NPY: variants seen among roughly 807,000 people sequenced by gnomAD.
NPY encodes the protein neuropeptide Y.
In NPY, 11 loss-of-function variants were observed where a neutral mutation model predicts 13.2. The observed-to-expected ratio is 0.83, with a 90% CI of 0.52 to 1.38. The LOEUF (loss-of-function observed/expected upper bound fraction) is 1.38. NPY is among the 40% of genes most tolerant of loss of function. The pLI is 0.00. For missense variants in NPY, 109 were observed against 125.1 expected, an observed-to-expected ratio of 0.87 and a Z score of 0.61; for synonymous variants, 51 against 55.6, an observed-to-expected ratio of 0.92 and a Z score of 0.37.
At chr7:24,291,504 G>A (rs1421131153) in intron 3 of NPY, among the ~76,000 whole-genome samples, 159 bp from the exon 4 acceptor site, 1 of 152,186 alleles carries the variant, frequency 6.6e-6, no homozygotes, top group African/African-American at 2.4e-5. Context: ...TCCGCCTCAC[G>A]ATCTGATATT....
rs761599005 is a variant in NPY, at chr7:24,285,460, C to T, written c.188+32C>T. ...GGGACCGCGGGACCGATTCCGGGAGCGCCAGTGCCTGCACACCAGGAGATC... is the reference window on the plus strand; with the variant it reads ...GGGACCGCGGGACCGATTCCGGGAGTGCCAGTGCCTGCACACCAGGAGATC... On this transcript the variant is annotated intron_variant, in intron 2 of 3. Transcript: ENST00000242152. The surrounding 1 kb of genome is among the most constrained non-coding windows in gnomAD (Gnocchi z 4.9). 1.9e-6 allele frequency: 3 copies of T among 1,596,304 alleles called. No individual in the cohort carries two copies. Among genetic ancestry groups the T allele is most frequent in the South Asian group, 2.2e-5 (2 of 89,602 alleles).
Position 24,291,696 on chromosome 7 carries a change from G to A in NPY, c.*9G>A, listed in dbSNP as rs1411003424. ...ACCCTGCAATGTGGTGATGGGAAAT[G>A]AGACTTGCTCTCTGGCCTTTTCCTA... On this transcript the variant is annotated 3_prime_UTR_variant, in exon 4 of 4. Transcript: ENST00000242152. 6.2e-7 allele frequency: 1 copy of A among 1,614,152 alleles called. No individual in the cohort carries two copies. The highest frequency in any genetic ancestry group is 1.1e-5 in the South Asian group (1 of 91,078).
rs533754561 is a variant in NPY, at chr7:24,288,125, T to C, written c.189-1374T>C. Among the ~76,000 whole-genome samples, 5 of 152,340 alleles carry C rather than the reference T, an allele frequency of 3.3e-5. No individual in the cohort carries two copies. The East Asian group carries it at 9.6e-4, about 29-fold the overall frequency. Reference sequence around the variant, plus strand: ...TCCTCCTATTTCAGATTTAGGTTCTTTACTGGTAAATTGGATAAAAAGTTG... The same window carrying C: ...TCCTCCTATTTCAGATTTAGGTTCTCTACTGGTAAATTGGATAAAAAGTTG... On this transcript the variant is annotated intron_variant, in intron 2 of 3. Coordinates refer to ENST00000242152, the MANE Select transcript of NPY (RefSeq NM_000905.4).
chr7:24,290,759 A>AAATAATAATAATAAT (rs747171869), intron 3 of NPY, among the ~76,000 whole-genome samples: 29 of 133,108 alleles, frequency 2.2e-4, no homozygotes, highest in South Asian at 7.6e-4. Flanking sequence ...TTTTTTAATT[A>AAATAATAATAATAAT]AATAATAATA....
chr7:24,288,015 A>G (rs2128232908), intron 2 of NPY, among the ~76,000 whole-genome samples: 1 of 152,340 alleles, frequency 6.6e-6, no homozygotes, highest in Non-Finnish European at 1.5e-5. Flanking sequence ...ACAGCATTGT[A>G]GAGGGGAAGG....
Position 24,285,498 on chromosome 7 carries a change from G to A in NPY, c.188+70G>A. On this transcript the variant is annotated intron_variant, in intron 2 of 3. Coordinates refer to ENST00000242152, the MANE Select transcript of NPY (RefSeq NM_000905.4). The surrounding 1 kb of genome is among the most constrained non-coding windows in gnomAD (Gnocchi z 4.9). Reference sequence around the variant, plus strand: ...ACACCAGGAGATCCTGGGGATGTTAGGGAAAGGGATTGTTTCTTTTCCTTC... The same window carrying A: ...ACACCAGGAGATCCTGGGGATGTTAAGGAAAGGGATTGTTTCTTTTCCTTC... 2 of 1,476,598 alleles carry A rather than the reference G, an allele frequency of 1.4e-6. No individual in the cohort carries two copies. Among genetic ancestry groups the A allele is most frequent in the Admixed American group, 1.8e-5 (1 of 54,054 alleles). The allele number at this position is 1,476,598 out of a possible 1,614,324, so 91.5% of individuals were successfully genotyped here. A position where few individuals can be genotyped will look rare whatever the true frequency, so the allele number is the denominator to read the frequency against.
intron 2 of NPY, among the ~76,000 whole-genome samples, chr7:24,288,687 G>GAAAA (rs59946765): frequency 5.8e-4 from 52 of 88,936 alleles, no homozygotes; most frequent in East Asian, 4.6e-3. Context: ...TGCTACAGGA[G>GAAAA]AAAAAAAAAA....
chr7:24,291,286 G>A (rs991303249), intron 3 of NPY, among the ~76,000 whole-genome samples: 4 of 152,170 alleles, frequency 2.6e-5, no homozygotes, highest in African/African-American at 7.2e-5. Context: ...AAAGCTGGCA[G>A]GAAAAGGAAG....
chr7:24,287,292 T>C (rs1427482651), intron 2 of NPY, among the ~76,000 whole-genome samples: 1 of 152,196 alleles, frequency 6.6e-6, no homozygotes, highest in African/African-American at 2.4e-5. Context: ...AACTCCTTCT[T>C]AGAAACCAGC....
At position 24,290,775 on chromosome 7, in the gene NPY, A is replaced by AATAATAATAATAATTATT. The variant is rs10701264; in HGVS notation, c.270-886_270-885insAATAATAATAATTATTAT. Among the ~76,000 whole-genome samples, 24 of 129,634 alleles carry AATAATAATAATAATTATT rather than the reference A, an allele frequency of 1.9e-4. No homozygotes were observed. The South Asian group carries it at 2.7e-3, about 14-fold the overall frequency. 85.0% of individuals were successfully genotyped at this position (129,634 alleles called of 152,430 possible). On this transcript the variant is annotated intron_variant, in intron 3 of 3. Transcript: ENST00000242152. The stretch of plus-strand genomic sequence containing the variant: ...TTTTTAATTAAATAATAATAATAAT[A>AATAATAATAATAATTATT]ATTATTATTATTATTCAGAGACAAG...
Position 24,285,167 on chromosome 7 carries a change from G to A in NPY, c.1-74G>A. 6.8e-7 allele frequency: 1 copy of A among 1,480,222 alleles called. No homozygotes were observed. The highest frequency in any genetic ancestry group is 9.4e-7 in the Non-Finnish European group (1 of 1,064,392). The allele number at this position is 1,480,222 out of a possible 1,614,324, so 91.7% of individuals were successfully genotyped here. ...TGGTAGCAGGAGGAGGAGCGCGGGG[G>A]GCAGAGGAGGGAGGTGCTGCGCGTG... On this transcript the variant is annotated intron_variant, in intron 1 of 3. Transcript: ENST00000242152. The surrounding 1 kb of genome is among the most constrained non-coding windows in gnomAD (Gnocchi z 4.9).
chr7:24,289,763 T>C (rs973476394), intron 3 of NPY, among the ~76,000 whole-genome samples, 184 bp downstream of exon 3: 1 of 152,192 alleles, frequency 6.6e-6, no homozygotes, highest in African/African-American at 2.4e-5. Context: ...TTGTCAAATC[T>C]CTAAACTTCT....
Position 24,289,487 on chromosome 7 carries a change from T to A in NPY, c.189-12T>A. The A allele has an allele frequency of 6.3e-7, 1 of 1,592,608 alleles. No individual in the cohort carries two copies. The highest frequency in any genetic ancestry group is 8.5e-7 in the Non-Finnish European group (1 of 1,170,254). On this transcript the variant is annotated splice_polypyrimidine_tract_variant and intron_variant, in intron 2 of 3. Transcript: ENST00000242152. ...ATTCCAAACTTGCTTTAAAAGACTTTTTTTTTTCCAGATATGGAAAACGAT... is the reference window on the plus strand; with the variant it reads ...ATTCCAAACTTGCTTTAAAAGACTTATTTTTTTCCAGATATGGAAAACGAT...
rs904903905 is a variant in NPY, at chr7:24,287,496, T to C, written c.189-2003T>C. 2.2e-4 allele frequency among the ~76,000 whole-genome samples: 32 copies of C among 143,626 alleles called. No homozygotes were observed. The Admixed American group carries it at 2.3e-3, about 10-fold the overall frequency. 94.2% of individuals were successfully genotyped at this position (143,626 alleles called of 152,430 possible). A position where few individuals can be genotyped will look rare whatever the true frequency, so the allele number is the denominator to read the frequency against. ...TGCACTCAATTTGTGCTTATATTCC[T>C]TTTGCTGTATATATACCCCTGGCTC... On this transcript the variant is annotated intron_variant, in intron 2 of 3. Coordinates refer to ENST00000242152, the MANE Select transcript of NPY (RefSeq NM_000905.4).
In NPY at chr7:24,291,767, T is replaced by TA; in HGVS notation, c.*81dup. On this transcript the variant is annotated 3_prime_UTR_variant, in exon 4 of 4. Coordinates refer to ENST00000242152, the MANE Select transcript of NPY (RefSeq NM_000905.4). The stretch of plus-strand genomic sequence containing the variant: ...GTGTAAAACGAGAATCCACCCATCC[T>TA]ACCAATGCATGCAGCCACTGTGCTG... 6.8e-7 allele frequency: 1 copy of TA among 1,474,808 alleles called. No individual in the cohort carries two copies. 91.4% of individuals were successfully genotyped at this position (1,474,808 alleles called of 1,614,324 possible). A position where few individuals can be genotyped will look rare whatever the true frequency, so the allele number is the denominator to read the frequency against.
At chr7:24,290,592 G>A (rs1296402082) in intron 3 of NPY, among the ~76,000 whole-genome samples, 1 of 151,810 alleles carries the variant, frequency 6.6e-6, no homozygotes, top group Non-Finnish European at 1.5e-5. Context: ...CAGCCAGCAT[G>A]AAGGGTGTTA....
intron 2 of NPY, among the ~76,000 whole-genome samples, chr7:24,286,194 T>C (rs1389871209): frequency 1.3e-5 from 2 of 152,186 alleles, no homozygotes; most frequent in Non-Finnish European, 2.9e-5. Flanking sequence ...ATCTGAGAAA[T>C]TGTAAACTTT....
chr7:24,285,088 C>T lies in NPY; in HGVS notation c.1-153C>T. On this transcript the variant is annotated intron_variant, in intron 1 of 3. Coordinates refer to ENST00000242152, the MANE Select transcript of NPY (RefSeq NM_000905.4). The surrounding 1 kb of genome is among the most constrained non-coding windows in gnomAD (Gnocchi z 4.9). The stretch of plus-strand genomic sequence containing the variant: ...CCGGAGCCCGCAAGGTGGTGCTAGC[C>T]ACTCCTGGGTTCTCTCTGCGGGACT... The T allele has an allele frequency of 2.6e-6, 2 of 780,472 alleles. No individual in the cohort carries two copies. The highest frequency in any genetic ancestry group is 4.2e-6 in the Non-Finnish European group (2 of 473,968). 48.3% of individuals were successfully genotyped at this position (780,472 alleles called of 1,614,324 possible). A position where few individuals can be genotyped will look rare whatever the true frequency, so the allele number is the denominator to read the frequency against.
chr7:24,288,090 A>C (rs1451701859), intron 2 of NPY, among the ~76,000 whole-genome samples: 1 of 152,224 alleles, frequency 6.6e-6, no homozygotes, highest in Non-Finnish European at 1.5e-5. Flanking sequence ...CAAGATTATG[A>C]CTGTGCAAAT....
Sources: allele counts gnomAD v4.1 joint callset (sites outside exome capture counted in the v4.1 genomes callset), GRCh38; gene constraint gnomAD v4.1.1; non-coding constraint Gnocchi (gnomAD v3.1); transcripts MANE v1.5; gene names NCBI Gene and HGNC (gene_info 2026-07-23, HGNC 2026-07-21).